The following SREBF1 variants were observed in gnomAD, a reference collection of about 807,000 sequenced individuals.
SREBF1 encodes sterol regulatory element-binding protein 1.
In SREBF1, 45 loss-of-function variants were observed where a neutral mutation model predicts 100.1. The ratio of observed to expected loss-of-function variants is 0.45; its 90% CI spans 0.35 to 0.58. The LOEUF is 0.58. Among genes scored for constraint, SREBF1 ranks in the 20% least tolerant of loss-of-function variants. The pLI is 0.00. For synonymous variants in SREBF1, 657 were observed against 681.8 expected (o/e 0.96, Z 0.57); for missense variants, 1,324 against 1,539.4 (o/e 0.86, Z 2.34).
chr17:17,816,572 C>A lies in SREBF1; in HGVS notation c.1932G>T (p.Trp644Cys). ...GCAGGCCCCCTGCCCGGCCTGCCAGCCAGCGGCCCACCCAGAGACGCTGCA... is the reference window on the plus strand; with the variant it reads ...GCAGGCCCCCTGCCCGGCCTGCCAGACAGCGGCCCACCCAGAGACGCTGCA... ...HLLQRLWVGR[W>C]LAGRAGGLQQ... Residue 644 changes from tryptophan (W) to cysteine (C), a missense_variant, in exon 10 of 19, where the codon TGG becomes TGT. Transcript: ENST00000261646. The A allele has an allele frequency of 6.2e-7, 1 of 1,605,968 alleles. No individual in the cohort carries two copies. Among genetic ancestry groups the A allele is most frequent in the Non-Finnish European group, 8.5e-7 (1 of 1,177,214 alleles).
chr17:17,825,900 G>A (rs1170331744), intron 1 of SREBF1, among the ~76,000 whole-genome samples: 1 of 152,198 alleles, frequency 6.6e-6, no homozygotes, highest in African/African-American at 2.4e-5. Flanking sequence ...ACAGGCATGA[G>A]TCACCGTGCC....
intron 1 of SREBF1, among the ~76,000 whole-genome samples, chr17:17,821,628 G>A (rs994962656): frequency 6.6e-6 from 1 of 152,228 alleles, no homozygotes; most frequent in Non-Finnish European, 1.5e-5. Context: ...GAAGAGGGGT[G>A]CAGAGAGAGG....
chr17:17,819,522 G>A lies in SREBF1; in HGVS notation c.711+16C>T, dbSNP rs1439137552. 9.3e-6 allele frequency: 15 copies of A among 1,613,528 alleles called. No individual in the cohort carries two copies. The highest frequency in any genetic ancestry group is 1.2e-5 in the Non-Finnish European group (14 of 1,179,986). ...TGGGGCTGCCCCCTCCCCAACCCCT[G>A]GCCAGACCCCCTCACCGGGACCTGC... is the stretch of plus-strand genomic sequence containing the variant. On this transcript the variant is annotated intron_variant, in intron 3 of 18. Transcript: ENST00000261646.
chr17:17,814,416 G>C lies in SREBF1; in HGVS notation c.2736-6C>G, dbSNP rs773775877. ...CTGCCCTGGGCAGGGGTCTCCTGTT[G>C]GGACCAGGGCAGAAGAGTGCCAGTC... On this transcript the variant is annotated splice_polypyrimidine_tract_variant and splice_region_variant and intron_variant, in intron 15 of 18. Coordinates refer to ENST00000261646, the MANE Select transcript of SREBF1 (RefSeq NM_004176.5). 1 of 1,553,606 alleles carries C rather than the reference G, an allele frequency of 6.4e-7. No individual in the cohort carries two copies. Among genetic ancestry groups the C allele is most frequent in the South Asian group, 1.2e-5 (1 of 84,356 alleles).
rs1233858975 is a variant in SREBF1, at chr17:17,813,586, G to A, written c.3085C>T (p.Arg1029Trp). Residue 1029 changes from arginine to tryptophan, a missense_variant, in exon 17 of 19, where the codon CGG (arginine) becomes TGG (tryptophan). Transcript: ENST00000261646. ...SSLRRLAQSF[R>W]PAMRRVFLHE... The stretch of plus-strand genomic sequence containing the variant: ...GCACTCACCCTCCGCATGGCGGGCC[G>A]GAAGCTCTGTGCCAGCCGCCTCAGG... The A allele has an allele frequency of 1.3e-6, 2 of 1,594,374 alleles. No homozygotes were observed. The highest frequency in any genetic ancestry group is 1.3e-5 in the African/African-American group (1 of 74,612).
chr17:17,831,924 C>T (rs1032381448), intron 1 of SREBF1, among the ~76,000 whole-genome samples: 4 of 152,212 alleles, frequency 2.6e-5, no homozygotes, highest in African/African-American at 9.7e-5. Context: ...GCCCAAGGCC[C>T]TTGGCTGGCT....
At chr17:17,820,643 G>A (rs2034033069) in intron 1 of SREBF1, 122 bp from the exon 2 acceptor site, 5 of 1,127,118 alleles carry the variant, frequency 4.4e-6, no homozygotes, top group African/African-American at 1.5e-5. Flanking sequence ...GTATGTGTGG[G>A]CAATGCCACC....
chr17:17,830,522 C>A (rs1017952830), intron 1 of SREBF1, among the ~76,000 whole-genome samples: 12 of 152,250 alleles, frequency 7.9e-5, no homozygotes, highest in African/African-American at 2.7e-4. Context: ...TGTTAAGACC[C>A]CTGATCCCAG....
Position 17,816,533 on chromosome 17 carries a change from A to G in SREBF1, c.1971T>C (p.Ala657=), listed in dbSNP as rs1305297650. 6.2e-7 allele frequency: 1 copy of G among 1,603,222 alleles called. No homozygotes were observed. Among genetic ancestry groups the G allele is most frequent in the African/African-American group, 1.3e-5 (1 of 74,816 alleles). ...GRAGGLQQDC[A]LRVDASASAR... is the part of the protein sequence containing the mutation. ...CGCTGGCGCTAGCATCCACTCGCAG[A>G]GCACAGTCCTGCTGCAGGCCCCCTG... Residue 657 remains alanine (A), a synonymous_variant, in exon 10 of 19, where the codon GCT becomes GCC. Transcript: ENST00000261646.
chr17:17,814,361 G>A lies in SREBF1; in HGVS notation c.2785C>T (p.Leu929=), dbSNP rs2143010682. The A allele has an allele frequency of 6.4e-7, 1 of 1,572,260 alleles. No individual in the cohort carries two copies. The highest frequency in any genetic ancestry group is 8.6e-7 in the Non-Finnish European group (1 of 1,158,554). Residue 929 remains leucine (L), a synonymous_variant, in exon 16 of 19, where the codon CTG becomes TTG. Transcript: ENST00000261646. ...ALHSFKAARA[L]LGCAKAESGP... is the part of the protein sequence containing the mutation. ...GACTCTGCCTTGGCACAGCCCAGCAGGGCCCGGGCAGCCTTGAAGGAGTGC... is the reference window on the plus strand; with the variant it reads ...GACTCTGCCTTGGCACAGCCCAGCAAGGCCCGGGCAGCCTTGAAGGAGTGC...
intron 1 of SREBF1, among the ~76,000 whole-genome samples, chr17:17,821,633 G>A (rs1055556575): frequency 2.0e-5 from 3 of 152,206 alleles, no homozygotes; most frequent in Non-Finnish European, 4.4e-5. Flanking sequence ...GGGGTGCAGA[G>A]AGAGGCAGGA....
chr17:17,821,025 C>T (rs1352279800), intron 1 of SREBF1, among the ~76,000 whole-genome samples: 1 of 152,202 alleles, frequency 6.6e-6, no homozygotes, highest in Non-Finnish European at 1.5e-5. Flanking sequence ...AAATCCCTGC[C>T]TAGAACTAAG....
rs750626602 is a variant in SREBF1 at position 17,823,588 on chromosome 17, C to T, written c.92-3067G>A. On this transcript the variant is annotated intron_variant, in intron 1 of 18. Coordinates refer to ENST00000261646, the MANE Select transcript of SREBF1 (RefSeq NM_004176.5). ...GGGCGTCCAGGCCGTTGGCCCTACCCCTCCCCGCGCCGACTTCACCTGTCA... is the reference window on the plus strand; with the variant it reads ...GGGCGTCCAGGCCGTTGGCCCTACCTCTCCCCGCGCCGACTTCACCTGTCA... 6.2e-7 allele frequency: 1 copy of T among 1,612,796 alleles called. No individual in the cohort carries two copies.
At position 17,817,782 on chromosome 17, in the gene SREBF1, G is replaced by C. The variant is rs1273105072; in HGVS notation, c.1318C>G (p.Pro440Ala). 6.9e-5 allele frequency: 112 copies of C among 1,613,680 alleles called. No individual in the cohort carries two copies. Among genetic ancestry groups the C allele is most frequent in the Non-Finnish European group, 9.3e-5 (110 of 1,180,010 alleles). ...CTGCCCCTGCTGCCAAGGGACAAGGGGCTGCTCTGGAAAGGTGAGCCAGCA... is the reference window on the plus strand; with the variant it reads ...CTGCCCCTGCTGCCAAGGGACAAGGCGCTGCTCTGGAAAGGTGAGCCAGCA... ...SDAGSPFQSS[P>A]LSLGSRGSGS... Residue 440 changes from proline to alanine, a missense_variant, in exon 7 of 19, where the codon CCC becomes GCC. Transcript: ENST00000261646. This position sits in a 1 kb window ranked among gnomAD's most constrained non-coding sequence, Gnocchi z 6.6.
chr17:17,836,308 G>A (rs944139615), intron 1 of SREBF1, among the ~76,000 whole-genome samples: 1 of 152,270 alleles, frequency 6.6e-6, no homozygotes, highest in Non-Finnish European at 1.5e-5. Flanking sequence ...TGAACTCTCG[G>A]GCCGGAGGGA....
chr17:17,831,713 G>T (rs939691717), intron 1 of SREBF1, among the ~76,000 whole-genome samples: 7 of 152,062 alleles, frequency 4.6e-5, no homozygotes, highest in African/African-American at 1.7e-4. Flanking sequence ...ATCCTCCCCC[G>T]ACAGCTGCAA....
intron 12 of SREBF1, 140 bp from the exon 13 acceptor site, chr17:17,815,469 C>A (rs2033458282): frequency 1.9e-5 from 13 of 687,518 alleles, no homozygotes; most frequent in Non-Finnish European, 2.5e-5. Context: ...CAGCCCCTGC[C>A]AAGGACAGGG....
chr17:17,828,863 G>T (rs1317928321), intron 1 of SREBF1, among the ~76,000 whole-genome samples: 2 of 152,038 alleles, frequency 1.3e-5, no homozygotes, highest in East Asian at 3.9e-4. Context: ...GCAGCGAGCT[G>T]TGATTGTGCC....
At chr17:17,823,666 C>G in intron 1 of SREBF1, 1 of 1,287,078 alleles carries the variant, frequency 7.8e-7, no homozygotes, top group Non-Finnish European at 1.1e-6. Context: ...CCGCCCCGCC[C>G]CGCCCCGCCC....
Sources: allele counts gnomAD v4.1 joint callset (sites outside exome capture counted in the v4.1 genomes callset), GRCh38; gene constraint gnomAD v4.1.1; non-coding constraint Gnocchi (gnomAD v3.1); transcripts MANE v1.5; gene names NCBI Gene and HGNC (gene_info 2026-07-23, HGNC 2026-07-21).